The following PHACTR3 variants were observed in gnomAD, a reference collection of about 807,000 sequenced individuals.
PHACTR3 encodes protein phosphatase 1, regulatory subunit 123.
A neutral mutation model predicts 66.8 loss-of-function variants in PHACTR3; 16 were observed. The observed-to-expected ratio is 0.24, with a 90% confidence interval of 0.16 to 0.36. The LOEUF is 0.36. Among genes scored for constraint, PHACTR3 ranks in the 10% least tolerant of loss-of-function variants. The pLI is 1.00. For synonymous variants in PHACTR3, 323 were observed against 292.1 expected, an observed-to-expected ratio of 1.11 and a Z score of -1.08; for missense variants, 647 against 719.9, an observed-to-expected ratio of 0.90 and a Z score of 1.16.
intron 4 of PHACTR3, among the ~76,000 whole-genome samples, chr20:59,757,437 T>C (rs1601283894): frequency 6.6e-6 from 1 of 152,202 alleles, no homozygotes; most frequent in Non-Finnish European, 1.5e-5. Context: ...GGGAATCAGC[T>C]GGGCAGAGAG....
chr20:59,587,570 G>A (rs1349570922), intron 1 of PHACTR3, among the ~76,000 whole-genome samples: 1 of 152,220 alleles, frequency 6.6e-6, no homozygotes, highest in East Asian at 1.9e-4. Flanking sequence ...GTGGGTCAGG[G>A]GTGCAGGTGG....
intron 8 of PHACTR3, among the ~76,000 whole-genome samples, chr20:59,825,864 G>A (rs967867091): frequency 5.9e-5 from 9 of 152,144 alleles, no homozygotes; most frequent in African/African-American, 2.2e-4. Flanking sequence ...GGGCCTTTGG[G>A]AGGTGATTAG....
chr20:59,617,389 G>A lies in PHACTR3; in HGVS notation c.118+12257G>A, dbSNP rs1007863592. Among the ~76,000 whole-genome samples the A allele has an allele frequency of 6.6e-4, 100 of 152,216 alleles. 2 individuals are homozygous for A. Among genetic ancestry groups the A allele is most frequent in the Non-Finnish European group, 7.3e-5 (5 of 68,042 alleles). On this transcript the variant is annotated intron_variant, in intron 1 of 12. Transcript: ENST00000371015. Reference sequence around the variant, plus strand: ...CAAGCCAGTGGGCAGGAGCCCGAGTGTGAGTTCTCAGGAATATACATCACT... The same window carrying A: ...CAAGCCAGTGGGCAGGAGCCCGAGTATGAGTTCTCAGGAATATACATCACT...
chr20:59,752,412 G>C (rs1265451743), intron 3 of PHACTR3, among the ~76,000 whole-genome samples: 1 of 152,082 alleles, frequency 6.6e-6, no homozygotes, highest in Admixed American at 6.5e-5. Flanking sequence ...CCAGCGAGAG[G>C]AGCAGGGCCT....
chr20:59,766,555 G>A (rs891406930), intron 4 of PHACTR3, among the ~76,000 whole-genome samples: 3 of 152,160 alleles, frequency 2.0e-5, no homozygotes, highest in African/African-American at 7.2e-5. Context: ...GGTGGATGGA[G>A]CCTGAATCAG....
At chr20:59,748,283 G>GGT (rs2039446618) in intron 3 of PHACTR3, among the ~76,000 whole-genome samples, 1 of 152,104 alleles carries the variant, frequency 6.6e-6, no homozygotes. Context: ...GCTGGGGCGG[G>GGT]GTGGGATATT....
rs910602306 is a variant in PHACTR3, at chr20:59,642,140, G to A, written c.118+37008G>A. 7.9e-5 allele frequency among the ~76,000 whole-genome samples: 12 copies of A among 152,172 alleles called. No homozygotes were observed. In the South Asian group the frequency reaches 1.2e-3, roughly 16 times the overall value. ...AGAGAAGGCAGCCTTTCTGCAGAGC[G>A]TTAGAATTTGGGAAGAAGTGGTCAG... On this transcript the variant is annotated intron_variant, in intron 1 of 12. Coordinates refer to ENST00000371015, the MANE Select transcript of PHACTR3 (RefSeq NM_080672.5).
chr20:59,612,376 T>C (rs78384434), intron 1 of PHACTR3, among the ~76,000 whole-genome samples: 1 of 149,224 alleles, frequency 6.7e-6, no homozygotes, highest in Admixed American at 6.7e-5. Flanking sequence ...TTTTTTTTTT[T>C]CCAGGACAGT....
chr20:59,809,965 T>A (rs1439589682), intron 8 of PHACTR3, among the ~76,000 whole-genome samples: 4 of 152,234 alleles, frequency 2.6e-5, no homozygotes. Context: ...CTAGAGGTCA[T>A]CAGAATTTTA....
chr20:59,577,527 G>C (rs961562111), exon 1 of PHACTR3: 6 of 1,156,980 alleles, frequency 5.2e-6, no homozygotes, highest in Non-Finnish European at 6.4e-6. Context: ...CCGTGGCGGG[G>C]GGCGCGCCCG....
intron 1 of PHACTR3, among the ~76,000 whole-genome samples, chr20:59,592,358 AC>A (rs1221098773): frequency 6.6e-6 from 1 of 151,756 alleles, no homozygotes; most frequent in African/African-American, 2.4e-5. Context: ...TATTCCATAG[AC>A]CCCCGTCCCA....
rs1258019032 is a variant in PHACTR3 at position 59,830,030 on chromosome 20, G to A, written c.1329-6475G>A. On this transcript the variant is annotated intron_variant, in intron 8 of 12. Transcript: ENST00000371015. The surrounding 1 kb of genome is among the most constrained non-coding windows in gnomAD (Gnocchi z 5.8). ...TGCTGCTGTGCTCATCATGCAGGAAGGCAGTCAGCTGAGCAGTGTGTGCAG... is the reference window on the plus strand; with the variant it reads ...TGCTGCTGTGCTCATCATGCAGGAAAGCAGTCAGCTGAGCAGTGTGTGCAG... Among the ~76,000 whole-genome samples, 2 of 152,212 alleles carry A rather than the reference G, an allele frequency of 1.3e-5. No individual in the cohort carries two copies. The highest frequency in any genetic ancestry group is 2.9e-5 in the Non-Finnish European group (2 of 68,042).
chr20:59,811,974 G>A (rs1447214108), intron 8 of PHACTR3, among the ~76,000 whole-genome samples: 1 of 152,004 alleles, frequency 6.6e-6, no homozygotes, highest in Non-Finnish European at 1.5e-5. Context: ...GGCCAGAGCT[G>A]CTGCTGTCAC....
intron 1 of PHACTR3, among the ~76,000 whole-genome samples, chr20:59,705,574 A>G (rs2037670800): frequency 6.6e-6 from 1 of 152,162 alleles, no homozygotes; most frequent in Admixed American, 6.5e-5. Flanking sequence ...ATAGTTTTCA[A>G]GTTGGTTCTC....
intron 1 of PHACTR3, among the ~76,000 whole-genome samples, chr20:59,658,719 G>C (rs79935651): frequency 6.6e-6 from 1 of 152,194 alleles, no homozygotes; most frequent in East Asian, 1.9e-4. Context: ...CCAAATTATT[G>C]CTCCATTATT....
intron 1 of PHACTR3, among the ~76,000 whole-genome samples, chr20:59,675,775 G>A (rs533832255): frequency 6.6e-6 from 1 of 152,284 alleles, no homozygotes; most frequent in East Asian, 1.9e-4. Flanking sequence ...AGAATTGTGT[G>A]GTCCCAAATG....
rs190042805 is a variant in PHACTR3 at position 59,810,718 on chromosome 20, C to T, written c.1328+4524C>T. On this transcript the variant is annotated intron_variant, in intron 8 of 12. Transcript: ENST00000371015. ...TGCTCCCCACGGCTACCCCAGAACACATCCGTGTGCTTGGTCTGGGACCCC... is the reference window on the plus strand; with the variant it reads ...TGCTCCCCACGGCTACCCCAGAACATATCCGTGTGCTTGGTCTGGGACCCC... 1.1e-3 allele frequency among the ~76,000 whole-genome samples: 165 copies of T among 152,354 alleles called. 6 individuals carry two copies. The East Asian group carries it at 0.022, about 21-fold the overall frequency.
chr20:59,814,902 G>C (rs928113305), intron 8 of PHACTR3, among the ~76,000 whole-genome samples: 1 of 152,104 alleles, frequency 6.6e-6, no homozygotes, highest in Non-Finnish European at 1.5e-5. Flanking sequence ...GGGGTTTTAG[G>C]TTGGGTACAT....
At chr20:59,627,985 C>T (rs1315728349) in intron 1 of PHACTR3, 2 of 152,144 alleles carry the variant, frequency 1.3e-5, no homozygotes, top group Non-Finnish European at 2.9e-5. Flanking sequence ...TCCATCCATC[C>T]ATCCATCTAT....
Sources: allele counts gnomAD v4.1 joint callset (sites outside exome capture counted in the v4.1 genomes callset), GRCh38; gene constraint gnomAD v4.1.1; non-coding constraint Gnocchi (gnomAD v3.1); transcripts MANE v1.5; gene names NCBI Gene and HGNC (gene_info 2026-07-23, HGNC 2026-07-21).